ARID2: variants seen among roughly 807,000 people sequenced by gnomAD.
ARID2 encodes AT-rich interaction domain 2.
In ARID2, 32 loss-of-function variants were observed where a neutral mutation model predicts 184.6. The observed-to-expected ratio is 0.17, with a 90% CI of 0.13 to 0.23. The LOEUF is 0.23. Among genes scored for constraint, ARID2 ranks in the 10% least tolerant of loss-of-function variants. ARID2 has a pLI of 1.00. For missense variants in ARID2, 1,696 were observed against 2,197.6 expected, an observed-to-expected ratio of 0.77 and a Z score of 4.56; for synonymous variants, 836 against 772.6, an observed-to-expected ratio of 1.08 and a Z score of -1.36.
intron 14 of ARID2, 38 bp downstream of exon 14, chr12:45,849,814 T>G (rs553348403): frequency 1.3e-6 from 2 of 1,562,342 alleles, no homozygotes. Context: ...TATTACTGAT[T>G]TAATAATAAA....
chr12:45,861,580 CTT>C (rs11303020), intron 16 of ARID2, among the ~76,000 whole-genome samples: 90 of 96,974 alleles, frequency 9.3e-4, no homozygotes, highest in South Asian at 4.1e-3. Flanking sequence ...AGGCATTTGT[CTT>C]TTTTTTTTTT....
rs375678027 is a variant in ARID2 at position 45,904,911 on chromosome 12, A to G, written c.5364-23A>G. ...ATCGCTGTGACCTTGGAGACTGACA[A>G]TCTTCTATATGTTTTTTTGCAGATT... On this transcript the variant is annotated intron_variant, in intron 20 of 20. Transcript: ENST00000334344. 6.8e-5 allele frequency: 109 copies of G among 1,609,696 alleles called. 1 individual carries two copies. Among genetic ancestry groups the G allele is most frequent in the Middle Eastern group, 5.4e-4 (3 of 5,594 alleles).
intron 3 of ARID2, among the ~76,000 whole-genome samples, chr12:45,742,115 AC>A: frequency 6.6e-6 from 1 of 152,208 alleles, no homozygotes; most frequent in Non-Finnish European, 1.5e-5. Context: ...CAACAAACCT[AC>A]CAAGTAGCTA....
At chr12:45,882,557 C>G (rs1944122757) in intron 16 of ARID2, among the ~76,000 whole-genome samples, 1 of 152,210 alleles carries the variant, frequency 6.6e-6, no homozygotes, top group African/African-American at 2.4e-5. Flanking sequence ...GAATGTTACA[C>G]ATAAAACTGC....
At chr12:45,847,434 A>G (rs1943463498) in intron 12 of ARID2, among the ~76,000 whole-genome samples, 1 of 152,072 alleles carries the variant, frequency 6.6e-6, no homozygotes, top group Admixed American at 6.6e-5. Context: ...ATGATAGAAC[A>G]GAAATAAGCA....
intron 3 of ARID2, among the ~76,000 whole-genome samples, chr12:45,787,706 T>C (rs956215516): frequency 2.0e-5 from 3 of 152,150 alleles, no homozygotes; most frequent in Non-Finnish European, 2.9e-5. Flanking sequence ...GTAAACTTTT[T>C]AAATGAATAG....
chr12:45,862,769 C>T (rs1592128527), intron 16 of ARID2, among the ~76,000 whole-genome samples: 2 of 152,234 alleles, frequency 1.3e-5, no homozygotes, highest in Admixed American at 1.3e-4. Flanking sequence ...AGTTAATGAA[C>T]CTAGATGTCT....
rs2138161064 is a variant in ARID2 at position 45,850,349 on chromosome 12, T to C, written c.2226T>C (p.Ser742=). ...IAVGGGPPQS[S]VVQNHSTGPQ... ...TTGGAGGAGGACCTCCACAGAGTTC[T>C]GTTGTTCAGAATCATAGTACAGGGC... The change falls in exon 15 of 21, where the codon TCT becomes TCC. Residue 742 remains serine, a synonymous_variant. Transcript: ENST00000334344. 1 of 1,614,136 alleles carries C rather than the reference T, an allele frequency of 6.2e-7. No homozygotes were observed.
intron 3 of ARID2, among the ~76,000 whole-genome samples, chr12:45,744,582 AAC>A (rs1394683957): frequency 1.1e-4 from 17 of 152,228 alleles, no homozygotes; most frequent in African/African-American, 3.9e-4. Flanking sequence ...CTATCTATGA[AAC>A]AGTTTTTGCT....
chr12:45,860,783 A>G lies in ARID2; in HGVS notation c.4774-18A>G. The stretch of plus-strand genomic sequence containing the variant: ...TTCAGTGTCATGTCACAAACTCTGC[A>G]TTTGTTCTTTTTCACAGAACACTCC... On this transcript the variant is annotated intron_variant, in intron 15 of 20. Transcript: ENST00000334344. 1.3e-6 allele frequency: 2 copies of G among 1,494,038 alleles called. No homozygotes were observed. Among genetic ancestry groups the G allele is most frequent in the Admixed American group, 2.1e-5 (1 of 46,834 alleles). The allele number at this position is 1,494,038 out of a possible 1,614,324, so 92.5% of individuals were successfully genotyped here. A position where few individuals can be genotyped will look rare whatever the true frequency, so the allele number is the denominator to read the frequency against.
At chr12:45,782,648 A>T (rs1942118184) in intron 3 of ARID2, among the ~76,000 whole-genome samples, 1 of 151,996 alleles carries the variant, frequency 6.6e-6, no homozygotes, top group Admixed American at 6.6e-5. Flanking sequence ...ATTTTTTTGA[A>T]TCAAAATTTA....
chr12:45,791,537 C>CA (rs1228838972), intron 3 of ARID2, among the ~76,000 whole-genome samples: 3 of 152,104 alleles, frequency 2.0e-5, no homozygotes, highest in African/African-American at 7.2e-5. Context: ...GTTCTTATAT[C>CA]AGGGTTCTGA....
At chr12:45,787,663 T>C (rs1384793896) in intron 3 of ARID2, among the ~76,000 whole-genome samples, 2 of 152,156 alleles carry the variant, frequency 1.3e-5, no homozygotes, top group Non-Finnish European at 2.9e-5. Context: ...TTAAAATTAT[T>C]TAACTACCTA....
At chr12:45,764,319 G>GT (rs796922673) in intron 3 of ARID2, among the ~76,000 whole-genome samples, 4 of 151,766 alleles carry the variant, frequency 2.6e-5, no homozygotes, top group Admixed American at 6.6e-5. Context: ...TGTTGGAGTT[G>GT]TTTTTTTTGC....
At chr12:45,731,455 T>C in intron 3 of ARID2, 141 bp downstream of exon 3, 1 of 605,944 alleles carries the variant, frequency 1.7e-6, no homozygotes, top group East Asian at 2.8e-5. Context: ...ACATTTAATA[T>C]AAATAAAGTG....
intron 3 of ARID2, among the ~76,000 whole-genome samples, chr12:45,744,952 TTATA>T (rs531863907): frequency 3.0e-4 from 46 of 152,324 alleles, no homozygotes; most frequent in Non-Finnish European, 5.9e-4. Context: ...GGCCCCCTCT[TTATA>T]AACTATGGAG....
chr12:45,812,219 A>C (rs1431172766), intron 4 of ARID2, among the ~76,000 whole-genome samples: 1 of 151,272 alleles, frequency 6.6e-6, no homozygotes, highest in African/African-American at 2.4e-5. Context: ...AAAAAAAAAG[A>C]GATACTTGTT....
At chr12:45,815,621 GTTT>G (rs1227540672) in intron 4 of ARID2, among the ~76,000 whole-genome samples, 1 of 151,882 alleles carries the variant, frequency 6.6e-6, no homozygotes, top group African/African-American at 2.4e-5. Flanking sequence ...GTGTGTGTGT[GTTT>G]TTAACTTTTA....
chr12:45,778,401 A>G (rs1942028888), intron 3 of ARID2, among the ~76,000 whole-genome samples: 1 of 152,120 alleles, frequency 6.6e-6, no homozygotes, highest in Non-Finnish European at 1.5e-5. Flanking sequence ...GAATATATAC[A>G]TTTCGTGTAA....
Sources: gnomAD v4.1 joint callset for allele counts (sites outside exome capture counted in the v4.1 genomes callset) on GRCh38, gnomAD v4.1.1 for gene constraint, MANE v1.5 for transcripts, NCBI Gene and HGNC (gene_info 2026-07-23, HGNC 2026-07-21) for gene names.